The following ZNF486 variants were observed in gnomAD, a reference collection of about 807,000 sequenced individuals.
ZNF486 encodes KRAB box only protein 2.
ZNF486 carries 12 observed loss-of-function variants against 12.8 expected under a neutral mutation model. The observed-to-expected ratio is 0.94, with a 90% CI of 0.60 to 1.52. ZNF486 has a LOEUF of 1.52. Ranked by LOEUF, ZNF486 falls within the 40% of genes most tolerant of loss-of-function variation. The probability of loss-of-function intolerance (pLI) is 0.00; values close to 1 mark genes in which losing one functional copy is unlikely to be tolerated. For synonymous variants in ZNF486, 231 were observed against 184.9 expected, an observed-to-expected ratio of 1.25 and a Z score of -2.02; for missense variants, 738 against 545.0, an observed-to-expected ratio of 1.35 and a Z score of -3.53.
chr19:20,176,827 G>C (rs929678185), intron 1 of ZNF486: 1 of 152,746 alleles, frequency 6.5e-6, no homozygotes, highest in African/African-American at 2.4e-5. Context: ...GAGAGGGAGA[G>C]GGACAGGGAG....
At chr19:20,173,486 G>A (rs545243605) in intron 1 of ZNF486, among the ~76,000 whole-genome samples, 23 of 151,972 alleles carry the variant, frequency 1.5e-4, no homozygotes, top group Non-Finnish European at 3.2e-4. Flanking sequence ...TCTTTCAAGC[G>A]CATACAGTAT....
In ZNF486 at chr19:20,176,794, C is replaced by G. The variant is rs567756441; in HGVS notation, c.31-7562C>G. ...GCAGCAGTACAGTCCAGCTTCGGCT[C>G]GGCATCAGAGGGAGACTGTGGGGAG... On this transcript the variant is annotated intron_variant, in intron 1 of 3. Coordinates refer to ENST00000335117, the MANE Select transcript of ZNF486 (RefSeq NM_052852.4). The G allele has an allele frequency of 4.6e-5, 7 of 152,948 alleles. No homozygotes were observed. In the East Asian group the frequency reaches 5.8e-4, roughly 13 times the overall value. The allele number at this position is 152,948 out of a possible 1,614,324, so 9.5% of individuals were successfully genotyped here.
intron 3 of ZNF486, among the ~76,000 whole-genome samples, chr19:20,193,701 TTATA>T (rs1454738778): frequency 1.3e-5 from 2 of 152,056 alleles, no homozygotes; most frequent in African/African-American, 4.8e-5. Context: ...GGAAAGATGA[TTATA>T]TATATATTTA....
chr19:20,188,723 TTTACA>T (rs2089874096), intron 3 of ZNF486: 1 of 346,378 alleles, frequency 2.9e-6, no homozygotes, highest in Non-Finnish European at 5.1e-6. Flanking sequence ...TTCTAGACAC[TTTACA>T]TCTTGTAAAA....
rs528033644 is a variant in ZNF486, at chr19:20,200,434, C to T, written c.*2332C>T. The T allele has an allele frequency of 6.6e-5, 10 of 152,068 alleles. No individual in the cohort carries two copies. Among genetic ancestry groups the T allele is most frequent in the South Asian group, 4.2e-4 (2 of 4,814 alleles). 9.4% of individuals were successfully genotyped at this position (152,068 alleles called of 1,614,324 possible). On this transcript the variant is annotated 3_prime_UTR_variant, in exon 4 of 4. Coordinates refer to ENST00000335117, the MANE Select transcript of ZNF486 (RefSeq NM_052852.4). ...TGATAAAAGTATATTAAACTAAATTCGTATATTTTACTTATTGTACTTTTA... is the reference window on the plus strand; with the variant it reads ...TGATAAAAGTATATTAAACTAAATTTGTATATTTTACTTATTGTACTTTTA...
At chr19:20,180,158 G>T (rs1555715351) in intron 1 of ZNF486, among the ~76,000 whole-genome samples, 3 of 152,210 alleles carry the variant, frequency 2.0e-5, no homozygotes, top group African/African-American at 4.8e-5. Flanking sequence ...GCAGAATTGT[G>T]TTAGGCTGAC....
intron 3 of ZNF486, among the ~76,000 whole-genome samples, chr19:20,195,305 A>G (rs782549152): frequency 6.6e-6 from 1 of 152,122 alleles, no homozygotes; most frequent in Non-Finnish European, 1.5e-5. Context: ...AGTAGCTGGG[A>G]TTACAGGCAC....
At position 20,198,392 on chromosome 19, in the gene ZNF486, T is replaced by TG; in HGVS notation, c.*291dup. 1 of 338,350 alleles carries TG rather than the reference T, an allele frequency of 3.0e-6. No individual in the cohort carries two copies. The highest frequency in any genetic ancestry group is 4.3e-4 in the Middle Eastern group (1 of 2,330). 21.0% of individuals were successfully genotyped at this position (338,350 alleles called of 1,614,324 possible). ...TGTTGGGGTTACAGGCATGAGCCAC[T>TG]GTGCCTGGCTGACAAAGCTTTTTAA... On this transcript the variant is annotated 3_prime_UTR_variant, in exon 4 of 4. Transcript: ENST00000335117.
chr19:20,181,505 C>G (rs1233531701), intron 1 of ZNF486, among the ~76,000 whole-genome samples: 5 of 149,342 alleles, frequency 3.3e-5, no homozygotes, highest in Admixed American at 2.0e-4. Context: ...CGCCACTGCA[C>G]TCCAGCCTGG....
chr19:20,184,941 G>A (rs902363062), intron 2 of ZNF486, among the ~76,000 whole-genome samples: 3 of 152,022 alleles, frequency 2.0e-5, no homozygotes, highest in African/African-American at 2.4e-5. Flanking sequence ...GAGAAACCCC[G>A]CCTATACTAA....
chr19:20,167,545 G>A (rs985409567), intron 1 of ZNF486, among the ~76,000 whole-genome samples, 185 bp downstream of exon 1: 2 of 152,154 alleles, frequency 1.3e-5, no homozygotes, highest in African/African-American at 4.8e-5. Context: ...GTCCCGGGGC[G>A]TCCTGTCTCT....
At chr19:20,172,474 C>T (rs865936) in intron 1 of ZNF486, among the ~76,000 whole-genome samples, 56,349 of 151,160 alleles carry the variant, frequency 0.37, 14,603 homozygotes, top group African/African-American at 0.73. Flanking sequence ...ATTTTTTGTA[C>T]TTTTAGTAGA....
At chr19:20,175,721 A>G (rs535852880) in intron 1 of ZNF486, among the ~76,000 whole-genome samples, 162 of 152,298 alleles carry the variant, frequency 1.1e-3, no homozygotes, top group African/African-American at 3.6e-3. Flanking sequence ...AAAGTCTCCC[A>G]TGTCTACTTC....
intron 1 of ZNF486, among the ~76,000 whole-genome samples, chr19:20,181,784 T>C (rs1379038959): frequency 3.9e-5 from 6 of 152,156 alleles, no homozygotes; most frequent in African/African-American, 9.7e-5. Flanking sequence ...TTTACAGTGT[T>C]TTAAAAAAAT....
At chr19:20,174,371 A>T (rs1555714332) in intron 1 of ZNF486, among the ~76,000 whole-genome samples, 2 of 151,226 alleles carry the variant, frequency 1.3e-5, no homozygotes, top group South Asian at 4.2e-4. Context: ...TACATTTAAC[A>T]GTATTTTGTT....
chr19:20,198,282 T>C lies in ZNF486; in HGVS notation c.*180T>C. On this transcript the variant is annotated 3_prime_UTR_variant, in exon 4 of 4. Transcript: ENST00000335117. ...CCACACCTGGCTAATTTTGTATTTT[T>C]AGTAGAGATGGGGTTTCTCCATGTT... is the stretch of plus-strand genomic sequence containing the variant. 1 of 592,740 alleles carries C rather than the reference T, an allele frequency of 1.7e-6. No individual in the cohort carries two copies. Among genetic ancestry groups the C allele is most frequent in the Non-Finnish European group, 3.0e-6 (1 of 338,884 alleles). 36.7% of individuals were successfully genotyped at this position (592,740 alleles called of 1,614,324 possible). A position where few individuals can be genotyped will look rare whatever the true frequency, so the allele number is the denominator to read the frequency against.
chr19:20,197,576 C>A lies in ZNF486; in HGVS notation c.866C>A (p.Thr289Asn). ...YTLTTHKIIH[T>N]GEQPYKCKEC... ...CTTACTACACATAAGATAATCCATA[C>A]TGGAGAGCAACCCTACAAATGTAAA... Residue 289 changes from threonine (T) to asparagine (N), a missense_variant, in exon 4 of 4, where the codon ACT (threonine) becomes AAT (asparagine). Transcript: ENST00000335117. The A allele has an allele frequency of 6.2e-7, 1 of 1,613,698 alleles. No homozygotes were observed. The highest frequency in any genetic ancestry group is 8.5e-7 in the Non-Finnish European group (1 of 1,179,824).
chr19:20,168,595 G>A (rs910857861), intron 1 of ZNF486, among the ~76,000 whole-genome samples: 1 of 151,546 alleles, frequency 6.6e-6, no homozygotes, highest in Non-Finnish European at 1.5e-5. Context: ...AGGAGGTTGC[G>A]GTGAGCCGAG....
At chr19:20,177,070 C>T (rs1185233875) in intron 1 of ZNF486, 3 of 152,248 alleles carry the variant, frequency 2.0e-5, no homozygotes, top group Admixed American at 1.3e-4. Context: ...GCAGCTCAGG[C>T]CTCACTCTCT....
Sources: allele counts gnomAD v4.1 joint callset (sites outside exome capture counted in the v4.1 genomes callset), GRCh38; gene constraint gnomAD v4.1.1; transcripts MANE v1.5; gene names NCBI Gene and HGNC (gene_info 2026-07-23, HGNC 2026-07-21).